Variants in DACH2 observed in about 807,000 individuals in gnomAD.
DACH2 encodes dachshund homolog 2.
In DACH2, 17 loss-of-function variants were observed where a neutral mutation model predicts 35.8. The ratio of observed to expected loss-of-function variants is 0.48; its 90% CI spans 0.33 to 0.71. DACH2 has a LOEUF of 0.71. DACH2 is among the 30% of genes least tolerant of loss of function. DACH2 has a pLI of 0.02. For missense variants in DACH2, 469 were observed against 472.7 expected, an observed-to-expected ratio of 0.99 and a Z score of 0.07; for synonymous variants, 195 against 177.3, an observed-to-expected ratio of 1.10 and a Z score of -0.79.
In DACH2 at chrX:86,675,701, A is replaced by C. The variant is rs191284426; in HGVS notation, c.773-19320A>C. Among the ~76,000 whole-genome samples, 183 of 111,632 alleles carry C rather than the reference A, an allele frequency of 1.6e-3. 1 individual carries two copies. The highest frequency in any genetic ancestry group is 4.3e-3 in the African/African-American group (132 of 30,775). On this transcript the variant is annotated intron_variant, in intron 4 of 11. Transcript: ENST00000373125. ...CACTGTCTCGAAAAAAAGTGATATTAAAATGTTTAACATTAAAACTTGGTG... is the reference window on the plus strand; with the variant it reads ...CACTGTCTCGAAAAAAAGTGATATTCAAATGTTTAACATTAAAACTTGGTG...
intron 2 of DACH2, among the ~76,000 whole-genome samples, chrX:86,488,907 C>T (rs2038055884): frequency 9.0e-6 from 1 of 110,622 alleles, no homozygotes; most frequent in African/African-American, 3.3e-5. Flanking sequence ...ATTCGCTAAC[C>T]ACGACATATA....
intron 1 of DACH2, chrX:86,305,002 C>T (rs2034653029): frequency 6.8e-6 from 1 of 146,704 alleles, no homozygotes; most frequent in African/African-American, 3.1e-5. Flanking sequence ...AGATCGAGGC[C>T]ATGGAGGCTG....
At chrX:86,742,041 A>G (rs1232634061) in intron 7 of DACH2, among the ~76,000 whole-genome samples, 1 of 111,024 alleles carries the variant, frequency 9.0e-6, no homozygotes, top group Non-Finnish European at 1.9e-5. Flanking sequence ...TTACACTTAG[A>G]AGTAAAATCA....
chrX:86,452,175 C>G (rs757026145), intron 2 of DACH2, among the ~76,000 whole-genome samples: 1 of 111,619 alleles, frequency 9.0e-6, no homozygotes, highest in Non-Finnish European at 1.9e-5. Flanking sequence ...AGAGATAAAG[C>G]CTACTTGATT....
At chrX:86,772,429 A>T (rs5968990) in intron 7 of DACH2, among the ~76,000 whole-genome samples, 1 of 111,144 alleles carries the variant, frequency 9.0e-6, no homozygotes, top group Non-Finnish European at 1.9e-5. Context: ...AGAAGTATTT[A>T]TACTGTACCA....
intron 6 of DACH2, among the ~76,000 whole-genome samples, chrX:86,727,967 G>A (rs1047187522): frequency 8.9e-6 from 1 of 112,187 alleles, no homozygotes; most frequent in Admixed American, 9.4e-5. Context: ...TTAGAACTGG[G>A]TAATGGGCAG....
chrX:86,574,025 T>C (rs189567833), intron 3 of DACH2, among the ~76,000 whole-genome samples: 2 of 112,156 alleles, frequency 1.8e-5, no homozygotes, highest in Non-Finnish European at 3.8e-5. Context: ...TTTGCTTATG[T>C]GCTGAATATA....
At chrX:86,513,597 A>G (rs2038424877) in intron 2 of DACH2, among the ~76,000 whole-genome samples, 1 of 112,420 alleles carries the variant, frequency 8.9e-6, no homozygotes, top group African/African-American at 3.2e-5. Flanking sequence ...TTAATGTTAT[A>G]AGTTTATCAT....
At chrX:86,338,025 A>G in intron 1 of DACH2, among the ~76,000 whole-genome samples, 1 of 112,090 alleles carries the variant, frequency 8.9e-6, no homozygotes, top group Non-Finnish European at 1.9e-5. Flanking sequence ...TCTATCCTAA[A>G]TATATATGCA....
In DACH2 at chrX:86,696,846, T is replaced by C. The variant is rs116793445; in HGVS notation, c.931+1667T>C. Among the ~76,000 whole-genome samples the C allele has an allele frequency of 3.7e-3, 408 of 111,457 alleles. 2 individuals carry two copies. Among genetic ancestry groups the C allele is most frequent in the Non-Finnish European group, 6.3e-3 (336 of 52,993 alleles). On this transcript the variant is annotated intron_variant, in intron 5 of 11. Transcript: ENST00000373125. Reference sequence around the variant, plus strand: ...TTCTCAGGGTGAAGATATGATAAAATTCCCCTCATGTTTCTAGTAAGGGGA... The same window carrying C: ...TTCTCAGGGTGAAGATATGATAAAACTCCCCTCATGTTTCTAGTAAGGGGA...
At chrX:86,618,502 CTT>C (rs1369100526) in intron 3 of DACH2, among the ~76,000 whole-genome samples, 3 of 111,426 alleles carry the variant, frequency 2.7e-5, no homozygotes, top group African/African-American at 6.5e-5. Context: ...ATAATATAGA[CTT>C]ATCGACATAA....
chrX:86,395,014 G>C (rs906219041), intron 2 of DACH2, among the ~76,000 whole-genome samples: 1 of 111,612 alleles, frequency 9.0e-6, no homozygotes, highest in Admixed American at 9.6e-5. Flanking sequence ...TATTGCTATC[G>C]ATGTGTTTGG....
chrX:86,148,701 C>T lies in DACH2; in HGVS notation c.81C>T (p.Pro27=). ...CGGGGGGCTTATTCCGGGCCGAACC[C>T]CTGTACTCGACTCCCAGAGAGCCCC... ...GVPGGLFRAE[P]LYSTPREPPR... is the part of the protein sequence containing the mutation. Residue 27 remains proline (P), a synonymous_variant, in exon 1 of 12, where the codon CCC becomes CCT. Coordinates refer to ENST00000373125, the MANE Select transcript of DACH2 (RefSeq NM_053281.3). 2 of 1,210,085 alleles carry T rather than the reference C, an allele frequency of 1.7e-6. No homozygotes were observed. Among genetic ancestry groups the T allele is most frequent in the African/African-American group, 1.7e-5 (1 of 57,636 alleles).
intron 3 of DACH2, among the ~76,000 whole-genome samples, chrX:86,541,889 C>G (rs1372972116): frequency 1.8e-5 from 2 of 111,476 alleles, no homozygotes; most frequent in African/African-American, 6.5e-5. Context: ...GGAGTTCTAA[C>G]TCCAGAGCTT....
intron 3 of DACH2, among the ~76,000 whole-genome samples, chrX:86,553,225 T>A (rs1358855060): frequency 2.7e-5 from 3 of 111,031 alleles, no homozygotes; most frequent in Non-Finnish European, 3.8e-5. Context: ...CTGGTGTAAG[T>A]CCAAGAGTCC....
intron 5 of DACH2, among the ~76,000 whole-genome samples, chrX:86,699,172 T>A (rs144719313): frequency 0.011 from 1,226 of 111,554 alleles, 49 homozygotes; most frequent in Admixed American, 0.088. Context: ...AAGCAGAAAG[T>A]GAACAAGGAC....
chrX:86,176,468 T>C (rs1046767102), intron 1 of DACH2, among the ~76,000 whole-genome samples: 3 of 111,142 alleles, frequency 2.7e-5, no homozygotes, highest in Admixed American at 9.6e-5. Context: ...GTGTTGGTAA[T>C]ATCCTCCACG....
intron 7 of DACH2, among the ~76,000 whole-genome samples, chrX:86,782,033 G>T (rs1407566805): frequency 1.8e-5 from 2 of 111,736 alleles, no homozygotes; most frequent in African/African-American, 3.2e-5. Context: ...GTTTCTATAG[G>T]CTAACAGTGA....
chrX:86,669,546 T>C (rs997006348), intron 4 of DACH2, among the ~76,000 whole-genome samples: 2 of 111,744 alleles, frequency 1.8e-5, no homozygotes, highest in African/African-American at 3.2e-5. Context: ...AGTAGTGTCA[T>C]GATTTCTCTT....
Sources: allele counts gnomAD v4.1 joint callset (sites outside exome capture counted in the v4.1 genomes callset), GRCh38; gene constraint gnomAD v4.1.1; transcripts MANE v1.5; gene names NCBI Gene and HGNC (gene_info 2026-07-23, HGNC 2026-07-21).